The following FAM120B variants were observed in gnomAD, a reference collection of about 807,000 sequenced individuals.
FAM120B encodes the protein constitutive coactivator of peroxisome proliferator-activated receptor gamma.
In FAM120B, 83 loss-of-function variants were observed where a neutral mutation model predicts 96.3. The observed-to-expected ratio is 0.86, with a 90% CI of 0.72 to 1.03. The LOEUF (loss-of-function observed/expected upper bound fraction) is 1.03. FAM120B is among the 50% of genes least tolerant of loss of function. The pLI is 0.00. For synonymous variants in FAM120B, 407 were observed against 402.7 expected (o/e 1.01, Z -0.13); for missense variants, 1,027 against 1,121.2 (o/e 0.92, Z 1.20).
At chr6:170,358,814 C>T (rs979013187) in intron 6 of FAM120B, among the ~76,000 whole-genome samples, 5 of 152,214 alleles carry the variant, frequency 3.3e-5, no homozygotes, top group African/African-American at 1.2e-4. Context: ...TGTATTCAGA[C>T]ATGCCCTCCG....
At chr6:170,336,365 TG>T (rs1172800407) in intron 4 of FAM120B, among the ~76,000 whole-genome samples, 1 of 151,998 alleles carries the variant, frequency 6.6e-6, no homozygotes, top group Non-Finnish European at 1.5e-5. Flanking sequence ...TGTAGATGTG[TG>T]GTGTTATTTC....
At position 170,406,411 on chromosome 6, in the gene FAM120B, G is replaced by A. The variant is rs1184619814; in HGVS notation, c.*1660G>A. On this transcript the variant is annotated 3_prime_UTR_variant, in exon 11 of 11. Transcript: ENST00000476287. ...AACGTGCTTGCAGGCCAGTTTGTGT[G>A]CCTGCACTTGACGAATTACCTTGAC... 1 of 152,192 alleles carries A rather than the reference G, an allele frequency of 6.6e-6. No individual in the cohort carries two copies. The highest frequency in any genetic ancestry group is 2.4e-5 in the African/African-American group (1 of 41,434). 9.4% of individuals were successfully genotyped at this position (152,192 alleles called of 1,614,324 possible). A position where few individuals can be genotyped will look rare whatever the true frequency, so the allele number is the denominator to read the frequency against.
At chr6:170,371,692 T>C (rs1789200745) in intron 6 of FAM120B, among the ~76,000 whole-genome samples, 1 of 152,232 alleles carries the variant, frequency 6.6e-6, no homozygotes, top group African/African-American at 2.4e-5. Flanking sequence ...ACTTGTCAAA[T>C]GAGGCCTGGT....
At position 170,370,319 on chromosome 6, in the gene FAM120B, G is replaced by T. The variant is rs546730656; in HGVS notation, c.2283+12001G>T. Among the ~76,000 whole-genome samples, 1 of 152,182 alleles carries T rather than the reference G, an allele frequency of 6.6e-6. No homozygotes were observed. The highest frequency in any genetic ancestry group is 1.5e-5 in the Non-Finnish European group (1 of 68,036). ...TTTTCTGAGACGCAGCTACGTCCCC[G>T]AGCTCTTTGTGGAAGACAGGGAAAG... On this transcript the variant is annotated intron_variant, in intron 6 of 10. Transcript: ENST00000476287. This position sits in a 1 kb window ranked among gnomAD's most constrained non-coding sequence, Gnocchi z 4.3.
chr6:170,356,414 T>C lies in FAM120B; in HGVS notation c.2191-1812T>C, dbSNP rs547074511. On this transcript the variant is annotated intron_variant, in intron 5 of 10. Coordinates refer to ENST00000476287, the MANE Select transcript of FAM120B (RefSeq NM_032448.3). ...CTCAGAATTAATCAGGCTAAAAAGATACATTTATAAAAATATTACAGTTTT... is the reference window on the plus strand; with the variant it reads ...CTCAGAATTAATCAGGCTAAAAAGACACATTTATAAAAATATTACAGTTTT... 2.0e-5 allele frequency among the ~76,000 whole-genome samples: 3 copies of C among 152,348 alleles called. No homozygotes were observed. The East Asian group carries it at 5.8e-4, about 29-fold the overall frequency.
rs1554287942 is a variant in FAM120B, at chr6:170,368,822, G to GC, written c.2283+10504_2283+10505insC. Among the ~76,000 whole-genome samples the GC allele has an allele frequency of 3.2e-3, 402 of 126,244 alleles. 14 individuals carry two copies. Among genetic ancestry groups the GC allele is most frequent in the South Asian group, 4.3e-3 (16 of 3,762 alleles). 82.8% of individuals were successfully genotyped at this position (126,244 alleles called of 152,430 possible). A position where few individuals can be genotyped will look rare whatever the true frequency, so the allele number is the denominator to read the frequency against. On this transcript the variant is annotated intron_variant, in intron 6 of 10. Coordinates refer to ENST00000476287, the MANE Select transcript of FAM120B (RefSeq NM_032448.3). ...GCAGCTCTGCTGTCTGCCGGGGCTG[G>GC]GGGGGGGGCTCCCTCCTGGCTTGCA... is the stretch of plus-strand genomic sequence containing the variant.
intron 9 of FAM120B, 186 bp from the exon 10 acceptor site, chr6:170,404,364 C>T: frequency 1.9e-6 from 1 of 518,440 alleles, no homozygotes; most frequent in South Asian, 3.1e-5. Context: ...TAATTGCTTC[C>T]ACTTTAATGG....
upstream of FAM120B, among the ~76,000 whole-genome samples, chr6:170,305,051 G>A (rs17860728): frequency 9.7e-4 from 147 of 152,026 alleles, 1 homozygote; most frequent in Non-Finnish European, 7.9e-4. Flanking sequence ...AGAGCTCTCT[G>A]GCCTCGTTAT....
chr6:170,384,297 A>C (rs753298208), intron 6 of FAM120B, among the ~76,000 whole-genome samples: 3 of 152,192 alleles, frequency 2.0e-5, no homozygotes, highest in Non-Finnish European at 4.4e-5. Flanking sequence ...AGTATGTCAG[A>C]TGTTACCCTT....
chr6:170,291,247 G>T (rs865863682), upstream of FAM120B, among the ~76,000 whole-genome samples: 16 of 151,924 alleles, frequency 1.1e-4, no homozygotes, highest in African/African-American at 3.6e-4. Flanking sequence ...TGGAGCTGGT[G>T]CCGCCGCCCC....
At chr6:170,369,819 A>G (rs1789063994) in intron 6 of FAM120B, among the ~76,000 whole-genome samples, 1 of 151,842 alleles carries the variant, frequency 6.6e-6, no homozygotes, top group Admixed American at 6.6e-5. Flanking sequence ...TTGGGGGTGG[A>G]AACTGAGTCT....
chr6:170,337,216 C>T (rs1270231534), intron 4 of FAM120B, among the ~76,000 whole-genome samples: 1 of 152,100 alleles, frequency 6.6e-6, no homozygotes, highest in East Asian at 1.9e-4. Context: ...CCGTCAATAC[C>T]TAGTTACTGG....
At chr6:170,372,087 G>A (rs765807280) in intron 6 of FAM120B, among the ~76,000 whole-genome samples, 19 of 152,008 alleles carry the variant, frequency 1.2e-4, no homozygotes, top group African/African-American at 3.9e-4. Flanking sequence ...TAAAATTTTC[G>A]TTAGGAATAA....
chr6:170,303,700 C>T (rs1022782707), upstream of FAM120B, among the ~76,000 whole-genome samples: 3 of 152,210 alleles, frequency 2.0e-5, no homozygotes, highest in African/African-American at 7.2e-5. Context: ...CACGTAAGGT[C>T]ACCTCCCTTT....
chr6:170,314,456 A>G (rs1373845003), intron 1 of FAM120B, among the ~76,000 whole-genome samples: 4 of 152,230 alleles, frequency 2.6e-5, no homozygotes, highest in Admixed American at 2.0e-4. Flanking sequence ...AGTGATCCCC[A>G]AAGGGTCCCA....
chr6:170,361,212 ATATATATATATATATATATATATACACG>A (rs1309874660), intron 6 of FAM120B, among the ~76,000 whole-genome samples: 6 of 101,614 alleles, frequency 5.9e-5, no homozygotes, highest in South Asian at 3.4e-4. Flanking sequence ...ATATATATAT[ATATATATATATATATATATATATACACG>A]TATATATATA....
chr6:170,310,421 C>T (rs1256467278), intron 1 of FAM120B, among the ~76,000 whole-genome samples: 3 of 152,208 alleles, frequency 2.0e-5, no homozygotes, highest in Non-Finnish European at 4.4e-5. Flanking sequence ...GAGGCCCTTG[C>T]CCCACTGGCA....
intron 5 of FAM120B, among the ~76,000 whole-genome samples, chr6:170,349,109 C>G (rs1402501021): frequency 6.6e-6 from 1 of 152,208 alleles, no homozygotes; most frequent in Non-Finnish European, 1.5e-5. Flanking sequence ...GCTGAGAATG[C>G]TCCCATCTCC....
intron 1 of FAM120B, among the ~76,000 whole-genome samples, chr6:170,300,897 C>A (rs925811828): frequency 2.0e-4 from 31 of 152,328 alleles, no homozygotes; most frequent in African/African-American, 7.2e-4. Flanking sequence ...AGGGTAAACC[C>A]CCCCCTCCTG....
Sources: allele counts gnomAD v4.1 joint callset (sites outside exome capture counted in the v4.1 genomes callset), GRCh38; gene constraint gnomAD v4.1.1; non-coding constraint Gnocchi (gnomAD v3.1); transcripts MANE v1.5; gene names NCBI Gene and HGNC (gene_info 2026-07-23, HGNC 2026-07-21).